ATP9B: variants seen among roughly 807,000 people sequenced by gnomAD.
The protein encoded by ATP9B is probable phospholipid-transporting ATPase IIB.
ATP9B carries 110 observed loss-of-function variants against 146.1 expected under a neutral mutation model. That is an observed-to-expected ratio of 0.75 (90% CI 0.65 to 0.88). The LOEUF is 0.88. Ranked by LOEUF, ATP9B falls within the 40% of genes least tolerant of loss-of-function variation. ATP9B has a pLI of 0.00. For synonymous variants in ATP9B, 604 were observed against 569.7 expected, an observed-to-expected ratio of 1.06 and a Z score of -0.86; for missense variants, 1,499 against 1,496.4, an observed-to-expected ratio of 1.00 and a Z score of -0.03.
intron 8 of ATP9B, among the ~76,000 whole-genome samples, chr18:79,186,395 A>G (rs2095308616): frequency 6.6e-6 from 1 of 152,110 alleles, no homozygotes; most frequent in African/African-American, 2.4e-5. Context: ...CATTCTCATT[A>G]TTGTGCCATT....
intron 29 of ATP9B, among the ~76,000 whole-genome samples, chr18:79,376,670 G>A (rs796891298): frequency 4.0e-5 from 6 of 149,822 alleles, no homozygotes; most frequent in African/African-American, 9.8e-5. Flanking sequence ...GATTACAGGC[G>A]TGAGCCACCA....
chr18:79,373,491 CT>C (rs59813494), intron 27 of ATP9B, among the ~76,000 whole-genome samples: 177 of 127,742 alleles, frequency 1.4e-3, no homozygotes, highest in East Asian at 4.5e-3. Context: ...CATTATCCGC[CT>C]TTTTTTTTTT....
At chr18:79,265,361 G>A (rs1269758319) in intron 12 of ATP9B, among the ~76,000 whole-genome samples, 1 of 152,054 alleles carries the variant, frequency 6.6e-6, no homozygotes, top group African/African-American at 2.4e-5. Context: ...GGTTGGGCTG[G>A]TCTCAAACTC....
chr18:79,300,668 G>C (rs1053079956), intron 13 of ATP9B, among the ~76,000 whole-genome samples: 4 of 152,230 alleles, frequency 2.6e-5, no homozygotes, highest in African/African-American at 9.7e-5. Context: ...CACACCCAGG[G>C]CCTGTCACAG....
At chr18:79,217,060 C>T (rs2095633659) in intron 11 of ATP9B, among the ~76,000 whole-genome samples, 2 of 152,362 alleles carry the variant, frequency 1.3e-5, no homozygotes, top group East Asian at 1.9e-4. Flanking sequence ...AGTGCGTTCC[C>T]GACTGTAGAG....
At chr18:79,147,590 T>C (rs2094612193) in intron 6 of ATP9B, among the ~76,000 whole-genome samples, 1 of 152,112 alleles carries the variant, frequency 6.6e-6, no homozygotes, top group Non-Finnish European at 1.5e-5. Flanking sequence ...ATTTATAGGA[T>C]AGGTAGTCTC....
At position 79,239,393 on chromosome 18, in the gene ATP9B, C is replaced by T. The variant is rs1249360876; in HGVS notation, c.1108-13988C>T. On this transcript the variant is annotated intron_variant, in intron 11 of 29. Coordinates refer to ENST00000426216, the MANE Select transcript of ATP9B (RefSeq NM_198531.5). This position sits in a 1 kb window ranked among gnomAD's most constrained non-coding sequence, Gnocchi z 5.1. The stretch of plus-strand genomic sequence containing the variant: ...TGGTGTTTCTTGCAGACACTGTGAG[C>T]CCACCCATGGAGGTACACAAACCAT... Among the ~76,000 whole-genome samples, 1 of 152,168 alleles carries T rather than the reference C, an allele frequency of 6.6e-6. No individual in the cohort carries two copies. Among genetic ancestry groups the T allele is most frequent in the African/African-American group, 2.4e-5 (1 of 41,438 alleles).
At chr18:79,262,919 T>C (rs934253042) in intron 12 of ATP9B, among the ~76,000 whole-genome samples, 13 of 152,220 alleles carry the variant, frequency 8.5e-5, no homozygotes, top group Non-Finnish European at 1.0e-4. Flanking sequence ...TTTTGCACAA[T>C]TCATTTCATT....
chr18:79,305,978 A>T (rs576635739), intron 14 of ATP9B, among the ~76,000 whole-genome samples: 1 of 152,358 alleles, frequency 6.6e-6, no homozygotes, highest in South Asian at 2.1e-4. Flanking sequence ...AGCATCACTA[A>T]ACATCACGTA....
At chr18:79,373,646 C>T (rs1276573372) in intron 27 of ATP9B, among the ~76,000 whole-genome samples, 6 of 152,078 alleles carry the variant, frequency 3.9e-5, no homozygotes, top group Non-Finnish European at 8.8e-5. Context: ...CGTGCCACCA[C>T]GCCTGGCTAA....
rs188589662 is a variant in ATP9B, at chr18:79,277,206, G to A, written c.1411+10G>A. ...TTGACAGACAAAACAGGTACTGTTCGTGGTCTGTGTTCACCTTTGAATGGA... is the reference window on the plus strand; with the variant it reads ...TTGACAGACAAAACAGGTACTGTTCATGGTCTGTGTTCACCTTTGAATGGA... On this transcript the variant is annotated intron_variant, in intron 13 of 29. Coordinates refer to ENST00000426216, the MANE Select transcript of ATP9B (RefSeq NM_198531.5). 9.4e-5 allele frequency: 152 copies of A among 1,614,134 alleles called. No individual in the cohort carries two copies. Among genetic ancestry groups the A allele is most frequent in the African/African-American group, 9.3e-4 (70 of 75,052 alleles).
rs553563126 is a variant in ATP9B at position 79,138,243 on chromosome 18, A to AT, written c.668-5557dup. On this transcript the variant is annotated intron_variant, in intron 5 of 29. Transcript: ENST00000426216. ...GCAGTAATTTTGTTCAACTCAGTTT[A>AT]TTGGAATTATTTTTAGGAACGTTTA... Among the ~76,000 whole-genome samples, 9 of 152,294 alleles carry AT rather than the reference A, an allele frequency of 5.9e-5. No homozygotes were observed. In the South Asian group the frequency reaches 1.9e-3, roughly 32 times the overall value.
intron 7 of ATP9B, among the ~76,000 whole-genome samples, chr18:79,156,511 G>A (rs1387896929): frequency 6.6e-6 from 1 of 152,162 alleles, no homozygotes; most frequent in African/African-American, 2.4e-5. Flanking sequence ...ATGAATGTAT[G>A]GAACAGAGCC....
intron 1 of ATP9B, among the ~76,000 whole-genome samples, chr18:79,072,737 G>A (rs2072037893): frequency 1.1e-5 from 1 of 87,040 alleles, no homozygotes; most frequent in African/African-American, 3.9e-5. Context: ...CTGCTGGGCG[G>A]GGGCGCCCCC....
At chr18:79,315,534 G>C (rs762894475) in intron 15 of ATP9B, among the ~76,000 whole-genome samples, 3 of 152,186 alleles carry the variant, frequency 2.0e-5, no homozygotes. Context: ...TGTACAAAGT[G>C]CATGGTAAGA....
intron 4 of ATP9B, among the ~76,000 whole-genome samples, chr18:79,121,268 C>G (rs910741448): frequency 6.6e-6 from 1 of 152,236 alleles, no homozygotes; most frequent in Non-Finnish European, 1.5e-5. Flanking sequence ...AGGCTGTGGA[C>G]AAGCCACGTG....
chr18:79,255,510 C>T (rs555182109), intron 12 of ATP9B, among the ~76,000 whole-genome samples: 13 of 152,250 alleles, frequency 8.5e-5, no homozygotes, highest in Admixed American at 7.8e-4. Context: ...TGTCCAGTGT[C>T]GTGTGAGAAG....
intron 15 of ATP9B, among the ~76,000 whole-genome samples, chr18:79,310,319 T>A (rs1485959298): frequency 1.3e-5 from 2 of 152,194 alleles, no homozygotes; most frequent in Non-Finnish European, 2.9e-5. Flanking sequence ...AATTAAGAAG[T>A]CAGAATATAC....
At chr18:79,086,552 A>G (rs2073855423) in intron 1 of ATP9B, 2 of 151,802 alleles carry the variant, frequency 1.3e-5, no homozygotes, top group Admixed American at 1.3e-4. Flanking sequence ...GCATGAAGAC[A>G]GAGTTGATAG....
Sources: gnomAD v4.1 joint callset for allele counts (sites outside exome capture counted in the v4.1 genomes callset) on GRCh38, gnomAD v4.1.1 for gene constraint, Gnocchi (gnomAD v3.1) non-coding constraint, MANE v1.5 for transcripts, NCBI Gene and HGNC (gene_info 2026-07-23, HGNC 2026-07-21) for gene names.